BCKDK: variants seen among roughly 807,000 people sequenced by gnomAD.
BCKDK encodes branched-chain alpha-ketoacid dehydrogenase kinase.
BCKDK carries 28 observed loss-of-function variants against 43.9 expected under a neutral mutation model. The observed-to-expected ratio is 0.64, with a 90% CI of 0.47 to 0.87. BCKDK has a LOEUF of 0.87. BCKDK is among the 40% of genes least tolerant of loss of function. The pLI, the probability that BCKDK is intolerant of heterozygous loss-of-function variation, is 0.00. For synonymous variants in BCKDK, 257 were observed against 234.3 expected (o/e 1.10, Z -0.88); for missense variants, 483 against 581.4 (o/e 0.83, Z 1.74).
chr16:31,112,248 GA>G lies in BCKDK; in HGVS notation c.1225del (p.Ser409AlafsTer95). On this transcript the variant is annotated frameshift_variant, in exon 12 of 12. Transcript: ENST00000219794. LOFTEE classifies it high-confidence loss of function. This position sits in a 1 kb window ranked among gnomAD's most constrained non-coding sequence, Gnocchi z 5.0. Reference protein sequence around the residue: ...LRLRHIDGREESFRI With the variant: ...LRLRHIDGREXSFRI Reference sequence around the variant, plus strand: ...GCTCCGCCACATCGATGGCCGGGAGGAAAGCTTCCGGATCTGACCCCACAGC... The same window carrying G: ...GCTCCGCCACATCGATGGCCGGGAGGAAGCTTCCGGATCTGACCCCACAGC... 6.2e-7 allele frequency: 1 copy of G among 1,609,734 alleles called. No individual in the cohort carries two copies.
Position 31,112,412 on chromosome 16 carries a change from G to A in BCKDK, c.*147G>A, listed in dbSNP as rs1173585431. ...GACAGATGGACTTACATGGAGCTGG[G>A]CACTGCCCTGCCTCAACAGGGTCCA... On this transcript the variant is annotated 3_prime_UTR_variant, in exon 12 of 12. Coordinates refer to ENST00000219794, the MANE Select transcript of BCKDK (RefSeq NM_005881.4). This position sits in a 1 kb window ranked among gnomAD's most constrained non-coding sequence, Gnocchi z 5.0. 1 of 1,322,220 alleles carries A rather than the reference G, an allele frequency of 7.6e-7. No individual in the cohort carries two copies. The highest frequency in any genetic ancestry group is 2.5e-5 in the East Asian group (1 of 40,256). 81.9% of individuals were successfully genotyped at this position (1,322,220 alleles called of 1,614,324 possible).
downstream of BCKDK, chr16:31,117,601 A>G: frequency 1.7e-6 from 2 of 1,170,528 alleles, no homozygotes; most frequent in Non-Finnish European, 2.2e-6. Context: ...TCAAACCTTG[A>G]GGAGCCCGCC....
At chr16:31,111,005 A>T in intron 8 of BCKDK, 86 bp from the exon 9 acceptor site, 1 of 1,575,966 alleles carries the variant, frequency 6.3e-7, no homozygotes, top group Non-Finnish European at 8.6e-7. Flanking sequence ...GCACATTGCC[A>T]TATGTTACTT....
In BCKDK at chr16:31,110,866, C is replaced by A; in HGVS notation, c.716+105C>A. 1 of 1,433,504 alleles carries A rather than the reference C, an allele frequency of 7.0e-7. No individual in the cohort carries two copies. The highest frequency in any genetic ancestry group is 9.8e-7 in the Non-Finnish European group (1 of 1,025,348). 88.8% of individuals were successfully genotyped at this position (1,433,504 alleles called of 1,614,324 possible). A position where few individuals can be genotyped will look rare whatever the true frequency, so the allele number is the denominator to read the frequency against. On this transcript the variant is annotated intron_variant, in intron 8 of 11. Coordinates refer to ENST00000219794, the MANE Select transcript of BCKDK (RefSeq NM_005881.4). The surrounding 1 kb of genome is among the most constrained non-coding windows in gnomAD (Gnocchi z 5.4). ...ATCTGCGGGGAGCAGGGTTTCTCAACCATGGCACTATTGACATTTCCAGCC... is the reference window on the plus strand; with the variant it reads ...ATCTGCGGGGAGCAGGGTTTCTCAAACATGGCACTATTGACATTTCCAGCC...
rs745531188 is a variant in BCKDK, at chr16:31,109,716, C to T, written c.308C>T (p.Ala103Val). 6.2e-7 allele frequency: 1 copy of T among 1,614,006 alleles called. No homozygotes were observed. Among genetic ancestry groups the T allele is most frequent in the Non-Finnish European group, 8.5e-7 (1 of 1,180,022 alleles). ...YLQQELPVRI[A>V]HRIKGFRCLP... is the part of the protein sequence containing the mutation. ...CAGCAAGAACTTCCAGTGAGGATTG[C>T]TCACCGCATCAAGGGCTTCCGCTGC... is the stretch of plus-strand genomic sequence containing the variant. The change falls in exon 4 of 12, where the codon GCT becomes GTT. Residue 103 changes from alanine (A) to valine (V), a missense_variant. Coordinates refer to ENST00000219794, the MANE Select transcript of BCKDK (RefSeq NM_005881.4). The surrounding 1 kb of genome is among the most constrained non-coding windows in gnomAD (Gnocchi z 5.3).
At position 31,111,911 on chromosome 16, in the gene BCKDK, C is replaced by A. The variant is rs749756059; in HGVS notation, c.978C>A (p.Asp326Glu). 2 of 1,614,178 alleles carry A rather than the reference C, an allele frequency of 1.2e-6. No homozygotes were observed. The highest frequency in any genetic ancestry group is 1.7e-6 in the Non-Finnish European group (2 of 1,180,018). ...RGGGIAHKDL[D>E]RVMDYHFTTA... ...GAGGAATCGCTCACAAAGATCTGGACCGGGTCATGGACTACCACTTCACTA... is the reference window on the plus strand; with the variant it reads ...GAGGAATCGCTCACAAAGATCTGGAACGGGTCATGGACTACCACTTCACTA... The change falls in exon 11 of 12, where the codon GAC (aspartate) becomes GAA (glutamate). Residue 326 changes from aspartate to glutamate, a missense_variant. Physicochemically the swap from Asp to Glu is conservative, Grantham distance 45 (BLOSUM62 2). Coordinates refer to ENST00000219794, the MANE Select transcript of BCKDK (RefSeq NM_005881.4).
Position 31,108,983 on chromosome 16 carries a change from T to A in BCKDK, c.-177-64T>A. On this transcript the variant is annotated intron_variant, in intron 1 of 11. Transcript: ENST00000219794. This position sits in a 1 kb window ranked among gnomAD's most constrained non-coding sequence, Gnocchi z 6.2. ...GGGTCTGGGGAGACCGATGCACAGG[T>A]GGAGAGATGGTGCGGGTTCTGTGGA... is the stretch of plus-strand genomic sequence containing the variant. 2.3e-6 allele frequency: 1 copy of A among 437,478 alleles called. No individual in the cohort carries two copies. Among genetic ancestry groups the A allele is most frequent in the Non-Finnish European group, 4.1e-6 (1 of 245,100 alleles). The allele number at this position is 437,478 out of a possible 1,614,324, so 27.1% of individuals were successfully genotyped here.
At chr16:31,114,293 C>CCA (rs1555502964), downstream of BCKDK, among the ~76,000 whole-genome samples, 5 of 142,372 alleles carry the variant, frequency 3.5e-5, no homozygotes, top group African/African-American at 1.3e-4. Flanking sequence ...CCGCCCCACC[C>CCA]CCCCCCAACC....
At chr16:31,115,074 G>A (rs1322903101), downstream of BCKDK, among the ~76,000 whole-genome samples, 2 of 151,850 alleles carry the variant, frequency 1.3e-5, no homozygotes, top group African/African-American at 2.4e-5. Context: ...ACAGGCACAC[G>A]CCACCACCCC....
In BCKDK at chr16:31,108,890, G is replaced by T; in HGVS notation, c.-177-157G>T. 4.9e-6 allele frequency: 1 copy of T among 204,982 alleles called. No individual in the cohort carries two copies. The allele number at this position is 204,982 out of a possible 1,614,324, so 12.7% of individuals were successfully genotyped here. A position where few individuals can be genotyped will look rare whatever the true frequency, so the allele number is the denominator to read the frequency against. ...GTTGGGGAATAGAAGCCCCCGGGAG[G>T]CTAGGTCCTTTGGGCGCGGCCTGTG... On this transcript the variant is annotated intron_variant, in intron 1 of 11. Transcript: ENST00000219794. The surrounding 1 kb of genome is among the most constrained non-coding windows in gnomAD (Gnocchi z 6.2).
In BCKDK at chr16:31,110,698, T is replaced by C. The variant is rs747827915; in HGVS notation, c.653T>C (p.Val218Ala). 6.2e-7 allele frequency: 1 copy of C among 1,614,076 alleles called. No individual in the cohort carries two copies. The highest frequency in any genetic ancestry group is 1.1e-5 in the South Asian group (1 of 91,080). The change falls in exon 8 of 12, where the codon GTC becomes GCC. Residue 218 changes from valine (V) to alanine (A), a missense_variant. Val to Ala is a moderately conservative substitution (Grantham distance 64). Coordinates refer to ENST00000219794, the MANE Select transcript of BCKDK (RefSeq NM_005881.4). This position sits in a 1 kb window ranked among gnomAD's most constrained non-coding sequence, Gnocchi z 5.4. ...LALHEDKPDFVGIICTRLSPK... is the reference protein window; with the variant it reads ...LALHEDKPDFAGIICTRLSPK... ...CCTTTCTCCGGCCAGCCTGACTTTG[T>C]CGGCATCATCTGTACTCGTCTCTCA...
chr16:31,111,056 G>C (rs781206617), intron 8 of BCKDK, 35 bp from the exon 9 acceptor site: 6 of 1,610,420 alleles, frequency 3.7e-6, no homozygotes, highest in Non-Finnish European at 4.2e-6. Flanking sequence ...CACTGGTGGA[G>C]GGGCCCCTGA....
Position 31,109,178 on chromosome 16 carries a change from C to T in BCKDK, c.-46C>T. ...GGGTCGCCTGGGTCCTCAGTCCTAG[C>T]GGATCCTCAGTCCTAGCGGCCACCG... On this transcript the variant is annotated 5_prime_UTR_variant, in exon 2 of 12. Coordinates refer to ENST00000219794, the MANE Select transcript of BCKDK (RefSeq NM_005881.4). The surrounding 1 kb of genome is among the most constrained non-coding windows in gnomAD (Gnocchi z 5.3). The T allele has an allele frequency of 1.4e-6, 2 of 1,462,844 alleles. No individual in the cohort carries two copies. The highest frequency in any genetic ancestry group is 1.8e-6 in the Non-Finnish European group (2 of 1,110,864). 90.6% of individuals were successfully genotyped at this position (1,462,844 alleles called of 1,614,324 possible). A position where few individuals can be genotyped will look rare whatever the true frequency, so the allele number is the denominator to read the frequency against.
Position 31,108,417 on chromosome 16 carries a change from C to G in BCKDK, c.-240C>G, listed in dbSNP as rs1311576495. 2 of 152,254 alleles carry G rather than the reference C, an allele frequency of 1.3e-5. No homozygotes were observed. The highest frequency in any genetic ancestry group is 2.9e-5 in the Non-Finnish European group (2 of 68,066). 9.4% of individuals were successfully genotyped at this position (152,254 alleles called of 1,614,324 possible). On this transcript the variant is annotated 5_prime_UTR_variant, in exon 1 of 12. Coordinates refer to ENST00000219794, the MANE Select transcript of BCKDK (RefSeq NM_005881.4). The surrounding 1 kb of genome is among the most constrained non-coding windows in gnomAD (Gnocchi z 6.2). The stretch of plus-strand genomic sequence containing the variant: ...GCGGCGGAGGGCGCAGGCGGCTGGG[C>G]GCCTGGCGAGTGGACTGTTCGAGCC...
In BCKDK at chr16:31,109,423, G is replaced by C; in HGVS notation, c.195+5G>C. ...ATCGACGCGGCAGCGGAGAAGGTGCGCAAGGGGGCAGCCAGCCCAGGGTCC... is the reference window on the plus strand; with the variant it reads ...ATCGACGCGGCAGCGGAGAAGGTGCCCAAGGGGGCAGCCAGCCCAGGGTCC... On this transcript the variant is annotated splice_donor_5th_base_variant and intron_variant, in intron 2 of 11. Transcript: ENST00000219794. This position sits in a 1 kb window ranked among gnomAD's most constrained non-coding sequence, Gnocchi z 5.3. 1 of 1,611,436 alleles carries C rather than the reference G, an allele frequency of 6.2e-7. No homozygotes were observed. The highest frequency in any genetic ancestry group is 8.5e-7 in the Non-Finnish European group (1 of 1,178,510).
At position 31,109,147 on chromosome 16, in the gene BCKDK, C is replaced by T. The variant is rs2057387224; in HGVS notation, c.-77C>T. The T allele has an allele frequency of 7.4e-6, 10 of 1,358,058 alleles. No individual in the cohort carries two copies. Among genetic ancestry groups the T allele is most frequent in the South Asian group, 1.6e-5 (1 of 61,638 alleles). 84.1% of individuals were successfully genotyped at this position (1,358,058 alleles called of 1,614,324 possible). ...CCTACCCACCCACACCCCCTTGCCCCATTTTGGGTCGCCTGGGTCCTCAGT... is the reference window on the plus strand; with the variant it reads ...CCTACCCACCCACACCCCCTTGCCCTATTTTGGGTCGCCTGGGTCCTCAGT... On this transcript the variant is annotated 5_prime_UTR_variant, in exon 2 of 12. Coordinates refer to ENST00000219794, the MANE Select transcript of BCKDK (RefSeq NM_005881.4). This position sits in a 1 kb window ranked among gnomAD's most constrained non-coding sequence, Gnocchi z 5.3.
Position 31,111,009 on chromosome 16 carries a change from G to A in BCKDK, c.717-82G>A. ...AAAATGTCTCTGCACATTGCCATAT[G>A]TTACTTAGGGGGGCAGAATTGTTTC... On this transcript the variant is annotated intron_variant, in intron 8 of 11. Coordinates refer to ENST00000219794, the MANE Select transcript of BCKDK (RefSeq NM_005881.4). 8.9e-6 allele frequency: 14 copies of A among 1,581,086 alleles called. No individual in the cohort carries two copies. In the South Asian group the frequency reaches 1.6e-4, roughly 18 times the overall value.
chr16:31,109,443 G>A lies in BCKDK; in HGVS notation c.195+25G>A. ...GGTGCGCAAGGGGGCAGCCAGCCCAGGGTCCGGGATGTAGGCGGGAGGGAG... is the reference window on the plus strand; with the variant it reads ...GGTGCGCAAGGGGGCAGCCAGCCCAAGGTCCGGGATGTAGGCGGGAGGGAG... On this transcript the variant is annotated intron_variant, in intron 2 of 11. Coordinates refer to ENST00000219794, the MANE Select transcript of BCKDK (RefSeq NM_005881.4). The surrounding 1 kb of genome is among the most constrained non-coding windows in gnomAD (Gnocchi z 5.3). The A allele has an allele frequency of 6.2e-7, 1 of 1,612,718 alleles. No homozygotes were observed. Among genetic ancestry groups the A allele is most frequent in the Non-Finnish European group, 8.5e-7 (1 of 1,179,238 alleles).
chr16:31,114,175 C>T (rs1174762621), downstream of BCKDK, among the ~76,000 whole-genome samples: 1 of 152,014 alleles, frequency 6.6e-6, no homozygotes, highest in Non-Finnish European at 1.5e-5. Context: ...GGGTGGAGCA[C>T]CTACATTGTT....
Sources: gnomAD v4.1 joint callset for allele counts (sites outside exome capture counted in the v4.1 genomes callset) on GRCh38, gnomAD v4.1.1 for gene constraint, Gnocchi (gnomAD v3.1) non-coding constraint, MANE v1.5 for transcripts, NCBI Gene and HGNC (gene_info 2026-07-23, HGNC 2026-07-21) for gene names.